The following KCNJ16 variants were observed in gnomAD, a reference collection of about 807,000 sequenced individuals.
The protein encoded by KCNJ16 is inward rectifier potassium channel 16.
KCNJ16 carries 15 observed loss-of-function variants against 18.5 expected under a neutral mutation model. That is an observed-to-expected ratio of 0.81 (90% CI 0.54 to 1.25). The LOEUF is 1.25. Among genes scored for constraint, KCNJ16 ranks in the 50% most tolerant of loss-of-function variants. KCNJ16 has a pLI of 0.00. For missense variants in KCNJ16, 523 were observed against 525.7 expected (o/e 0.99, Z 0.05); for synonymous variants, 174 against 186.5 (o/e 0.93, Z 0.55).
intron 1 of KCNJ16, among the ~76,000 whole-genome samples, chr17:70,097,385 G>C (rs2072427498): frequency 6.6e-6 from 1 of 152,168 alleles, no homozygotes; most frequent in Admixed American, 6.5e-5. Context: ...AATGGAATGA[G>C]TTACCTTATT....
At chr17:70,102,737 T>C (rs987685270) in intron 2 of KCNJ16, among the ~76,000 whole-genome samples, 1 of 152,166 alleles carries the variant, frequency 6.6e-6, no homozygotes, top group Non-Finnish European at 1.5e-5. Context: ...CTCTGTAGGC[T>C]TTCTGCATGC....
At chr17:70,108,812 C>G (rs964791186) in intron 2 of KCNJ16, among the ~76,000 whole-genome samples, 6 of 152,088 alleles carry the variant, frequency 3.9e-5, no homozygotes, top group African/African-American at 1.2e-4. Context: ...TTTCTCCTTG[C>G]CCGTTTTTGC....
rs555871968 is a variant in KCNJ16 at position 70,109,288 on chromosome 17, T to C, written c.-191+8522T>C. Among the ~76,000 whole-genome samples, 23 of 152,314 alleles carry C rather than the reference T, an allele frequency of 1.5e-4. No homozygotes were observed. The South Asian group carries it at 3.9e-3, about 26-fold the overall frequency. ...CTTTATCTTTAAAAAGGGGATAATA[T>C]TGATCCCTTGTTCTCAGGGTAACTG... is the stretch of plus-strand genomic sequence containing the variant. On this transcript the variant is annotated intron_variant, in intron 2 of 3. Transcript: ENST00000392671.
intron 1 of KCNJ16, among the ~76,000 whole-genome samples, chr17:70,089,907 C>T (rs1238999785): frequency 6.6e-6 from 1 of 152,218 alleles, no homozygotes; most frequent in African/African-American, 2.4e-5. Flanking sequence ...GCTTCCACCA[C>T]TGCAGGTCTA....
At chr17:70,079,555 G>A (rs2071461239) in intron 1 of KCNJ16, among the ~76,000 whole-genome samples, 1 of 152,078 alleles carries the variant, frequency 6.6e-6, no homozygotes, top group Non-Finnish European at 1.5e-5. Context: ...GACATTATAT[G>A]TTTCAAGCTT....
intron 1 of KCNJ16, among the ~76,000 whole-genome samples, chr17:70,099,545 A>C (rs2072531590): frequency 6.6e-6 from 1 of 152,092 alleles, no homozygotes; most frequent in Non-Finnish European, 1.5e-5. Flanking sequence ...CCACGAAAAC[A>C]GTCAAGTAGA....
intron 2 of KCNJ16, among the ~76,000 whole-genome samples, chr17:70,129,898 T>TTTCA (rs1156949026): frequency 7.8e-5 from 11 of 141,668 alleles, no homozygotes; most frequent in South Asian, 7.0e-4. Context: ...AAATAAAACC[T>TTTCA]TTCATTTATT....
chr17:70,130,330 C>T (rs1250837636), intron 2 of KCNJ16, among the ~76,000 whole-genome samples: 1 of 152,052 alleles, frequency 6.6e-6, no homozygotes, highest in African/African-American at 2.4e-5. Context: ...TTTTCGCAGC[C>T]CTAGGTCACA....
chr17:70,087,949 G>C (rs1255061198), intron 1 of KCNJ16, among the ~76,000 whole-genome samples: 2 of 137,278 alleles, frequency 1.5e-5, no homozygotes, highest in East Asian at 4.8e-4. Flanking sequence ...CTGGGAGGTG[G>C]AGTTTGCAGT....
rs1292805455 is a variant in KCNJ16, at chr17:70,132,934, A to G, written c.847A>G (p.Ile283Val). 5 of 1,614,096 alleles carry G rather than the reference A, an allele frequency of 3.1e-6. No homozygotes were observed. The African/African-American group carries it at 5.3e-5, about 17-fold the overall frequency. Residue 283 changes from isoleucine to valine, a missense_variant, in exon 4 of 4, where the codon ATC becomes GTC. Ile to Val is a conservative substitution (Grantham distance 29). Coordinates refer to ENST00000392671, the MANE Select transcript of KCNJ16 (RefSeq NM_170741.4). ...TAACTTTGAGATTTTGGTGACATTT[A>G]TCTATACTGGTGATTCCACTGGAAC... ...KDNFEILVTFIYTGDSTGTSH... is the reference protein window; with the variant it reads ...KDNFEILVTFVYTGDSTGTSH...
intron 1 of KCNJ16, among the ~76,000 whole-genome samples, chr17:70,089,391 C>T (rs1247482041): frequency 2.0e-5 from 3 of 152,090 alleles, no homozygotes; most frequent in Non-Finnish European, 4.4e-5. Flanking sequence ...GTTTTAATTA[C>T]TAGAAAAGAG....
At chr17:70,094,099 G>A (rs1371531148) in intron 1 of KCNJ16, among the ~76,000 whole-genome samples, 1 of 152,146 alleles carries the variant, frequency 6.6e-6, no homozygotes, top group Non-Finnish European at 1.5e-5. Flanking sequence ...TCATGACTCA[G>A]GTTTTCTTCC....
rs766943857 is a variant in KCNJ16 at position 70,121,794 on chromosome 17, GA to G, written c.-190-9075del. Among the ~76,000 whole-genome samples, 45 of 148,858 alleles carry G rather than the reference GA, an allele frequency of 3.0e-4. 1 individual carries two copies. Among genetic ancestry groups the G allele is most frequent in the East Asian group, 2.2e-3 (11 of 5,064 alleles). ...TTTGCTGCTTAGACATTTCTCTACT[GA>G]AAAAAAAAATACAAAAAATTAGCTG... On this transcript the variant is annotated intron_variant, in intron 2 of 3. Transcript: ENST00000392671.
chr17:70,107,002 T>C (rs1350132899), intron 2 of KCNJ16, among the ~76,000 whole-genome samples: 1 of 152,192 alleles, frequency 6.6e-6, no homozygotes, highest in South Asian at 2.1e-4. Flanking sequence ...CTACCATTGT[T>C]ACAGTAGCTG....
At position 70,135,579 on chromosome 17, in the gene KCNJ16, AAT is replaced by A. The variant is rs2074192895; in HGVS notation, c.*2237_*2238del. 1 of 166,038 alleles carries A rather than the reference AAT, an allele frequency of 6.0e-6. No homozygotes were observed. Among genetic ancestry groups the A allele is most frequent in the African/African-American group, 2.4e-5 (1 of 41,468 alleles). The allele number at this position is 166,038 out of a possible 1,614,324, so 10.3% of individuals were successfully genotyped here. A position where few individuals can be genotyped will look rare whatever the true frequency, so the allele number is the denominator to read the frequency against. On this transcript the variant is annotated 3_prime_UTR_variant, in exon 4 of 4. Transcript: ENST00000392671. ...CTTTGACAACCCCAGTGAGTTACTT[AAT>A]AATAAAGATCTTAAAATAATGCAAA... is the stretch of plus-strand genomic sequence containing the variant.
At chr17:70,096,703 CT>C in intron 1 of KCNJ16, 1 of 362,726 alleles carries the variant, frequency 2.8e-6, no homozygotes, top group East Asian at 3.9e-5. Context: ...TTAAGTCATT[CT>C]CTTCATAATC....
intron 1 of KCNJ16, among the ~76,000 whole-genome samples, chr17:70,075,967 CTT>C (rs61550133): frequency 0.9 from 134,176 of 149,696 alleles, 60,205 homozygotes; most frequent in East Asian, 1. Context: ...CCCTCTAAAG[CTT>C]TTTTTTTTTT....
intron 1 of KCNJ16, among the ~76,000 whole-genome samples, chr17:70,097,170 C>T (rs1313334793): frequency 6.6e-6 from 1 of 152,102 alleles, no homozygotes; most frequent in Non-Finnish European, 1.5e-5. Context: ...GAGACATGAC[C>T]TCACTGGGAG....
intron 1 of KCNJ16, among the ~76,000 whole-genome samples, chr17:70,083,327 A>G (rs2071637093): frequency 6.9e-6 from 1 of 145,024 alleles, no homozygotes; most frequent in African/African-American, 2.6e-5. Flanking sequence ...TATACTATAT[A>G]GACAGTTATG....
Sources: gnomAD v4.1 joint callset for allele counts (sites outside exome capture counted in the v4.1 genomes callset) on GRCh38, gnomAD v4.1.1 for gene constraint, MANE v1.5 for transcripts, NCBI Gene and HGNC (gene_info 2026-07-23, HGNC 2026-07-21) for gene names.